C12orf42: variants seen among roughly 807,000 people sequenced by gnomAD.
C12orf42 encodes the protein chromosome 12 open reading frame 42.
C12orf42 carries 25 observed loss-of-function variants against 21.6 expected under a neutral mutation model. That is an observed-to-expected ratio of 1.16 (90% CI 0.84 to 1.62). The LOEUF (loss-of-function observed/expected upper bound fraction) is 1.62, where lower values mean the gene tolerates loss of function less well. C12orf42 is among the 40% of genes most tolerant of loss of function. The pLI, the probability that C12orf42 is intolerant of heterozygous loss-of-function variation, is 0.00. For missense variants in C12orf42, 483 were observed against 459.3 expected (o/e 1.05, Z -0.47); for synonymous variants, 174 against 175.0 (o/e 0.99, Z 0.05).
chr12:103,301,845 T>G (rs2037669822), downstream of C12orf42: 3 of 392,750 alleles, frequency 7.6e-6, no homozygotes, highest in Non-Finnish European at 1.4e-5. Flanking sequence ...TGGCACGCGA[T>G]GTACCCCATC....
At chr12:103,419,903 G>A (rs569654750) in intron 2 of C12orf42, among the ~76,000 whole-genome samples, 1 of 151,976 alleles carries the variant, frequency 6.6e-6, no homozygotes, top group Admixed American at 6.5e-5. Context: ...GTGTGCAAAG[G>A]GTTTTCTATA....
chr12:103,147,475 T>G, the C12orf42 span, among the ~76,000 whole-genome samples: 1 of 150,404 alleles, frequency 6.6e-6, no homozygotes, highest in Non-Finnish European at 1.5e-5. Context: ...GTTAATTTTT[T>G]TTAATTTTTC....
the C12orf42 span, among the ~76,000 whole-genome samples, chr12:103,076,339 C>T: frequency 6.7e-6 from 1 of 149,062 alleles, no homozygotes; most frequent in Non-Finnish European, 1.5e-5. Flanking sequence ...CGTTCTAGGA[C>T]ATTTGTTGGG....
chr12:103,122,646 G>A, the C12orf42 span, among the ~76,000 whole-genome samples: 89 of 152,250 alleles, frequency 5.8e-4, 1 homozygote, highest in East Asian at 0.016. Flanking sequence ...AGAACATTTT[G>A]GGCAGGAGAA....
chr12:103,478,520 A>G, intron 1 of C12orf42, 73 bp from the exon 2 acceptor site: 1 of 639,942 alleles, frequency 1.6e-6, no homozygotes, highest in South Asian at 2.5e-5. Flanking sequence ...AAAAAATGAC[A>G]TCTTTAAGAG....
At chr12:103,399,432 A>G (rs943286547) in intron 3 of C12orf42, among the ~76,000 whole-genome samples, 12 of 151,152 alleles carry the variant, frequency 7.9e-5, no homozygotes, top group Non-Finnish European at 1.6e-4. Context: ...GAAATGGTGC[A>G]GTCTTGGCTC....
intron 4 of C12orf42, among the ~76,000 whole-genome samples, chr12:103,309,243 C>T (rs993392102): frequency 6.6e-6 from 1 of 152,132 alleles, no homozygotes; most frequent in African/African-American, 2.4e-5. Flanking sequence ...CTCTGCCACC[C>T]CTGAGGCAGC....
chr12:103,513,036 C>T, the C12orf42 span, among the ~76,000 whole-genome samples: 1 of 151,934 alleles, frequency 6.6e-6, no homozygotes, highest in Non-Finnish European at 1.5e-5. Context: ...TAGACACCCA[C>T]TCCTCTGCCA....
At chr12:103,437,326 A>G (rs1950807512) in intron 2 of C12orf42, among the ~76,000 whole-genome samples, 4 of 152,142 alleles carry the variant, frequency 2.6e-5, no homozygotes, top group African/African-American at 9.7e-5. Context: ...TTGACACCCT[A>G]ACATCACAAT....
the C12orf42 span, among the ~76,000 whole-genome samples, chr12:103,227,740 C>T: frequency 2.9e-4 from 44 of 152,270 alleles, no homozygotes; most frequent in African/African-American, 9.4e-4. Flanking sequence ...ATCAGAGAGG[C>T]GTCCCTGCAA....
chr12:103,483,721 G>A (rs1394844354), intron 1 of C12orf42, among the ~76,000 whole-genome samples: 1 of 151,680 alleles, frequency 6.6e-6, no homozygotes, highest in Non-Finnish European at 1.5e-5. Flanking sequence ...ATGCAGGTTT[G>A]TTAGATAGGT....
the C12orf42 span, among the ~76,000 whole-genome samples, chr12:103,069,605 C>T: frequency 3.3e-5 from 5 of 152,154 alleles, no homozygotes; most frequent in African/African-American, 1.2e-4. Flanking sequence ...GTTTCTACTG[C>T]ATGCGTATTG....
chr12:103,479,962 T>G (rs948758388), intron 1 of C12orf42, among the ~76,000 whole-genome samples: 3 of 151,954 alleles, frequency 2.0e-5, no homozygotes, highest in Non-Finnish European at 2.9e-5. Flanking sequence ...TGCAAAACAT[T>G]TGGAGAATAT....
chr12:103,468,788 C>A lies in C12orf42; in HGVS notation c.78+9561G>T, dbSNP rs544646929. On this transcript the variant is annotated intron_variant, in intron 2 of 5. Transcript: ENST00000548883. ...AAATTACCTCAAGATTCATTTTTCC[C>A]TTTTTGTAGAACTAACAAGTGAATC... is the stretch of plus-strand genomic sequence containing the variant. Among the ~76,000 whole-genome samples, 11 of 152,124 alleles carry A rather than the reference C, an allele frequency of 7.2e-5. 1 individual carries two copies. In the South Asian group the frequency reaches 2.1e-3, roughly 29 times the overall value.
At position 103,369,141 on chromosome 12, in the gene C12orf42, T is replaced by C. The variant is rs1317986964; in HGVS notation, c.148-143A>G. On this transcript the variant is annotated intron_variant, in intron 3 of 5. Coordinates refer to ENST00000548883, the MANE Select transcript of C12orf42 (RefSeq NM_198521.5). ...TTTCTTTATTCTTTAAATGAAACAA[T>C]CCTGAAAACAATCACAGTTAACTCT... 1.1e-5 allele frequency: 6 copies of C among 556,310 alleles called. No homozygotes were observed. In the Admixed American group the frequency reaches 2.1e-4, roughly 19 times the overall value. 34.5% of individuals were successfully genotyped at this position (556,310 alleles called of 1,614,324 possible).
intron 2 of C12orf42, among the ~76,000 whole-genome samples, chr12:103,469,466 T>A (rs936548288): frequency 1.3e-5 from 2 of 152,264 alleles, no homozygotes; most frequent in Non-Finnish European, 2.9e-5. Context: ...TTAATTACTT[T>A]ATGCAAATTT....
the C12orf42 span, among the ~76,000 whole-genome samples, chr12:103,108,187 G>T: frequency 6.6e-6 from 1 of 151,360 alleles, no homozygotes; most frequent in Non-Finnish European, 1.5e-5. Flanking sequence ...AAATTTCTTT[G>T]TTATAAAAAA....
the C12orf42 span, among the ~76,000 whole-genome samples, chr12:103,530,910 G>A: frequency 1.8e-4 from 27 of 152,194 alleles, no homozygotes; most frequent in African/African-American, 6.3e-4. Flanking sequence ...AGAGGAATCT[G>A]AGCTGTCAGG....
chr12:103,456,201 C>G (rs1209948369), intron 2 of C12orf42: 1 of 152,088 alleles, frequency 6.6e-6, no homozygotes, highest in African/African-American at 2.4e-5. Context: ...CATTGTAGGT[C>G]ATTCTGTGGT....
Sources: gnomAD v4.1 joint callset for allele counts (sites outside exome capture counted in the v4.1 genomes callset) on GRCh38, gnomAD v4.1.1 for gene constraint, MANE v1.5 for transcripts, NCBI Gene and HGNC (gene_info 2026-07-23, HGNC 2026-07-21) for gene names.